CDH13: variants seen among roughly 807,000 people sequenced by gnomAD.
The protein encoded by CDH13 is cadherin 13.
A neutral mutation model predicts 63.8 loss-of-function variants in CDH13; 24 were observed. The ratio of observed to expected loss-of-function variants is 0.38; its 90% CI spans 0.27 to 0.53. The LOEUF (loss-of-function observed/expected upper bound fraction) is 0.53. CDH13 is among the 20% of genes least tolerant of loss of function. CDH13 has a pLI of 0.85. For missense variants in CDH13, 1,049 were observed against 903.1 expected (o/e 1.16, Z -2.07); for synonymous variants, 503 against 355.3 (o/e 1.42, Z -4.67).
chr16:83,670,767 A>T, intron 8 of CDH13, 23 bp from the exon 9 acceptor site: 1 of 1,612,300 alleles, frequency 6.2e-7, no homozygotes, highest in Non-Finnish European at 8.5e-7. Flanking sequence ...AATAGTGACC[A>T]TTACCATCTG....
At chr16:83,225,626 C>G (rs1352704176) in intron 5 of CDH13, among the ~76,000 whole-genome samples, 1 of 152,158 alleles carries the variant, frequency 6.6e-6, no homozygotes, top group Non-Finnish European at 1.5e-5. Flanking sequence ...GATCTGTGAC[C>G]TTGAACAAAG....
intron 6 of CDH13, among the ~76,000 whole-genome samples, chr16:83,439,064 G>T (rs74032081): frequency 0.028 from 4,284 of 152,144 alleles, 195 homozygotes; most frequent in African/African-American, 0.097. Context: ...GGAAAATGTG[G>T]GTTTAAACTG....
At chr16:83,594,327 C>G (rs574937689) in intron 7 of CDH13, among the ~76,000 whole-genome samples, 8 of 152,236 alleles carry the variant, frequency 5.3e-5, no homozygotes, top group East Asian at 1.9e-4. Context: ...TATTCTCCCC[C>G]ACTTTACAGA....
At chr16:82,942,851 G>T (rs1904309504) in intron 2 of CDH13, among the ~76,000 whole-genome samples, 3 of 152,174 alleles carry the variant, frequency 2.0e-5, no homozygotes, top group South Asian at 4.1e-4. Flanking sequence ...ACCCTGCATT[G>T]CCTGTAGGTA....
chr16:83,580,191 G>C (rs531621107), intron 7 of CDH13, among the ~76,000 whole-genome samples: 35 of 152,242 alleles, frequency 2.3e-4, no homozygotes, highest in Admixed American at 7.2e-4. Flanking sequence ...GAGAAGTGTA[G>C]CAGAGTGATT....
chr16:83,419,132 G>A (rs376993692), intron 6 of CDH13, among the ~76,000 whole-genome samples: 21 of 152,098 alleles, frequency 1.4e-4, no homozygotes, highest in Non-Finnish European at 2.4e-4. Context: ...GACAGCTGTC[G>A]TTTTGTGATG....
intron 5 of CDH13, among the ~76,000 whole-genome samples, chr16:83,235,756 A>G (rs576875841): frequency 1.7e-4 from 26 of 152,296 alleles, no homozygotes; most frequent in African/African-American, 6.0e-4. Context: ...ATTTTCAACT[A>G]TACGGCACAC....
chr16:83,773,207 A>G (rs1914873636), intron 11 of CDH13, among the ~76,000 whole-genome samples: 1 of 152,192 alleles, frequency 6.6e-6, no homozygotes, highest in Non-Finnish European at 1.5e-5. Context: ...AGGTTGGAAG[A>G]TTTACATCTC....
chr16:83,168,862 C>T (rs2037802392), intron 4 of CDH13, among the ~76,000 whole-genome samples: 1 of 152,060 alleles, frequency 6.6e-6, no homozygotes. Context: ...TATTTAATGT[C>T]CACATAAGAA....
At chr16:83,183,700 C>T (rs1200084103) in intron 4 of CDH13, among the ~76,000 whole-genome samples, 4 of 152,176 alleles carry the variant, frequency 2.6e-5, no homozygotes, top group Non-Finnish European at 5.9e-5. Context: ...CCTGCCATTG[C>T]TACTCAGGTG....
intron 4 of CDH13, among the ~76,000 whole-genome samples, chr16:83,126,794 A>C (rs1015341648): frequency 5.3e-5 from 8 of 152,224 alleles, no homozygotes; most frequent in African/African-American, 1.9e-4. Flanking sequence ...CATTAAATAC[A>C]CAGTACATGT....
intron 1 of CDH13, among the ~76,000 whole-genome samples, chr16:82,747,052 A>C (rs189764390): frequency 3.0e-4 from 45 of 152,356 alleles, no homozygotes; most frequent in African/African-American, 8.7e-4. Flanking sequence ...TTTCTAAGAC[A>C]ATGTGATTGA....
intron 8 of CDH13, among the ~76,000 whole-genome samples, chr16:83,605,688 G>A (rs1908262279): frequency 6.6e-6 from 1 of 152,224 alleles, no homozygotes; most frequent in South Asian, 2.1e-4. Flanking sequence ...GGAAGGCCAT[G>A]ATGAAGAAGA....
chr16:83,077,238 G>C (rs139947862), intron 3 of CDH13, among the ~76,000 whole-genome samples: 2,503 of 121,510 alleles, frequency 0.021, 75 homozygotes, highest in African/African-American at 0.076. Context: ...TGTCACCTAG[G>C]CTGGAGAACA....
In CDH13 at chr16:83,447,712, G is replaced by T. The variant is rs894854025; in HGVS notation, c.782-38765G>T. The stretch of plus-strand genomic sequence containing the variant: ...ATGGAGGCTGGAATGTGAAGTTAGA[G>T]ATAATCATTTTTTTAAATTATATTA... On this transcript the variant is annotated intron_variant, in intron 6 of 13. Coordinates refer to ENST00000567109, the MANE Select transcript of CDH13 (RefSeq NM_001257.5). Among the ~76,000 whole-genome samples, 12 of 150,778 alleles carry T rather than the reference G, an allele frequency of 8.0e-5. 1 individual carries two copies. Among genetic ancestry groups the T allele is most frequent in the African/African-American group, 2.9e-4 (12 of 41,278 alleles).
chr16:82,645,778 C>G (rs1187169184), intron 1 of CDH13, among the ~76,000 whole-genome samples: 1 of 152,192 alleles, frequency 6.6e-6, no homozygotes, highest in Admixed American at 6.5e-5. Flanking sequence ...AAAACCAAGA[C>G]TCTTGGGTAA....
In CDH13 at chr16:83,306,230, C is replaced by A. The variant is rs148739126; in HGVS notation, c.637-38632C>A. 1.2e-4 allele frequency among the ~76,000 whole-genome samples: 18 copies of A among 152,282 alleles called. 1 individual carries two copies. In the East Asian group the frequency reaches 3.5e-3, roughly 29 times the overall value. Reference sequence around the variant, plus strand: ...GTATTCTATAAACAAGGGTAGGTACCGTATCTGTGCTATGGTTTGGAGGTG... The same window carrying A: ...GTATTCTATAAACAAGGGTAGGTACAGTATCTGTGCTATGGTTTGGAGGTG... On this transcript the variant is annotated intron_variant, in intron 5 of 13. Coordinates refer to ENST00000567109, the MANE Select transcript of CDH13 (RefSeq NM_001257.5).
At chr16:83,014,319 T>TAAAAAAAAAAAAAAAA (rs34322579) in intron 2 of CDH13, among the ~76,000 whole-genome samples, 2 of 67,702 alleles carry the variant, frequency 3.0e-5, no homozygotes, top group African/African-American at 4.3e-5. Context: ...CCCAAATCGA[T>TAAAAAAAAAAAAAAAA]AAAAAAAAAA....
chr16:82,773,567 C>G (rs1202616674), intron 1 of CDH13: 1 of 152,198 alleles, frequency 6.6e-6, no homozygotes, highest in Non-Finnish European at 1.5e-5. Context: ...GTGTTTTATC[C>G]TGTAACAGTA....
Sources: allele counts gnomAD v4.1 joint callset (sites outside exome capture counted in the v4.1 genomes callset), GRCh38; gene constraint gnomAD v4.1.1; transcripts MANE v1.5; gene names NCBI Gene and HGNC (gene_info 2026-07-23, HGNC 2026-07-21).